Variants in CDC14A observed in about 807,000 individuals in gnomAD.
CDC14A encodes the protein cell division cycle 14A, also known as dual specificity protein phosphatase CDC14A.
A neutral mutation model predicts 74.4 loss-of-function variants in CDC14A; 53 were observed. That is an observed-to-expected ratio of 0.71 (90% CI 0.57 to 0.89). The LOEUF (loss-of-function observed/expected upper bound fraction) is 0.89, where lower values mean the gene tolerates loss of function less well. Ranked by LOEUF, CDC14A falls within the 40% of genes least tolerant of loss-of-function variation. CDC14A has a pLI of 0.00. For missense variants in CDC14A, 646 were observed against 713.7 expected, an observed-to-expected ratio of 0.91 and a Z score of 1.08; for synonymous variants, 247 against 258.4, an observed-to-expected ratio of 0.96 and a Z score of 0.43.
intron 5 of CDC14A, among the ~76,000 whole-genome samples, chr1:100,432,357 G>C (rs1398473897): frequency 6.6e-6 from 1 of 152,248 alleles, no homozygotes; most frequent in Non-Finnish European, 1.5e-5. Flanking sequence ...GCATTGTCTA[G>C]CTCTGAAGTA....
At chr1:100,457,821 T>TC (rs1197995365) in intron 8 of CDC14A, among the ~76,000 whole-genome samples, 2 of 152,078 alleles carry the variant, frequency 1.3e-5, no homozygotes, top group Non-Finnish European at 2.9e-5. Context: ...ACTCTTTTTT[T>TC]CCTTTTTAAA....
At chr1:100,350,145 G>T (rs2100861718), upstream of CDC14A, among the ~76,000 whole-genome samples, 1 of 152,146 alleles carries the variant, frequency 6.6e-6, no homozygotes, top group Non-Finnish European at 1.5e-5. Context: ...GTAGAGTTGG[G>T]GGTTTCACCA....
intron 11 of CDC14A, 176 bp downstream of exon 11, chr1:100,484,627 T>TA (rs373460421): frequency 0.066 from 55,542 of 843,110 alleles, 9 homozygotes; most frequent in Middle Eastern, 0.079. Context: ...CAATTGCCCT[T>TA]AAAAAAAAAA....
At chr1:100,353,921 A>G (rs1354006126) in intron 2 of CDC14A, 69 bp downstream of exon 2, 2 of 829,412 alleles carry the variant, frequency 2.4e-6, no homozygotes, top group Non-Finnish European at 4.0e-6. Flanking sequence ...AACACTATGC[A>G]CTTTTATGGC....
At chr1:100,422,672 T>C (rs1314758461) in intron 4 of CDC14A, among the ~76,000 whole-genome samples, 3 of 152,240 alleles carry the variant, frequency 2.0e-5, no homozygotes, top group African/African-American at 7.2e-5. Context: ...ATTTCCTTTC[T>C]ATTGCTTTTT....
At chr1:100,493,705 C>T (rs1041478324) in intron 11 of CDC14A, among the ~76,000 whole-genome samples, 2 of 152,286 alleles carry the variant, frequency 1.3e-5, no homozygotes, top group East Asian at 3.9e-4. Context: ...GGGATTGCCT[C>T]TAGGAAGCTT....
intron 10 of CDC14A, among the ~76,000 whole-genome samples, chr1:100,476,721 G>T (rs112705790): frequency 0.02 from 3,016 of 151,932 alleles, 105 homozygotes; most frequent in African/African-American, 0.065. Flanking sequence ...TATATTTTAA[G>T]GTAATTAGTC....
intron 2 of CDC14A, among the ~76,000 whole-genome samples, chr1:100,362,491 T>G (rs1441920431): frequency 1.3e-5 from 2 of 152,190 alleles, no homozygotes; most frequent in African/African-American, 4.8e-5. Flanking sequence ...TGTCTCTATA[T>G]TAATAATATT....
intron 10 of CDC14A, among the ~76,000 whole-genome samples, chr1:100,469,638 G>A (rs1254045900): frequency 6.6e-6 from 1 of 152,164 alleles, no homozygotes; most frequent in East Asian, 1.9e-4. Flanking sequence ...AGTTCTTTAA[G>A]CCATTTAATC....
intron 4 of CDC14A, among the ~76,000 whole-genome samples, chr1:100,410,612 C>T (rs190278286): frequency 2.6e-5 from 4 of 152,248 alleles, no homozygotes; most frequent in East Asian, 3.9e-4. Flanking sequence ...CCACTGTGCC[C>T]GGCCAGATAT....
chr1:100,351,400 T>G (rs997568403), upstream of CDC14A, among the ~76,000 whole-genome samples: 3 of 152,198 alleles, frequency 2.0e-5, no homozygotes, highest in Admixed American at 2.0e-4. Context: ...ATAGTCGGTC[T>G]GTAGCGCCAT....
At chr1:100,407,195 C>A (rs1300864924) in intron 4 of CDC14A, among the ~76,000 whole-genome samples, 1 of 151,546 alleles carries the variant, frequency 6.6e-6, no homozygotes. Flanking sequence ...TTTTTTGATT[C>A]CATATGAATT....
chr1:100,447,856 A>G (rs1482650677), intron 7 of CDC14A, among the ~76,000 whole-genome samples: 3 of 152,186 alleles, frequency 2.0e-5, no homozygotes, highest in Non-Finnish European at 4.4e-5. Context: ...CTTACCAAAC[A>G]AGATGTTGCC....
chr1:100,371,598 A>C (rs1411833954), intron 2 of CDC14A, among the ~76,000 whole-genome samples: 1 of 152,192 alleles, frequency 6.6e-6, no homozygotes, highest in Non-Finnish European at 1.5e-5. Flanking sequence ...GGTGTGTCAC[A>C]TTTATTGGTT....
intron 4 of CDC14A, among the ~76,000 whole-genome samples, chr1:100,406,940 A>G (rs1397887695): frequency 1.3e-5 from 2 of 151,822 alleles, no homozygotes; most frequent in Non-Finnish European, 2.9e-5. Flanking sequence ...TAAAAAAAAA[A>G]AAAAAAGAAA....
intron 15 of CDC14A, among the ~76,000 whole-genome samples, chr1:100,505,420 G>A (rs1649147847): frequency 6.6e-6 from 1 of 152,174 alleles, no homozygotes; most frequent in African/African-American, 2.4e-5. Context: ...GAATACGTAT[G>A]TGTTTTAAGG....
chr1:100,459,688 T>C (rs1207537981), intron 8 of CDC14A, among the ~76,000 whole-genome samples: 6 of 152,118 alleles, frequency 3.9e-5, no homozygotes, highest in African/African-American at 1.2e-4. Flanking sequence ...TTTGTTGTGG[T>C]TCAGTGATGC....
intron 11 of CDC14A, among the ~76,000 whole-genome samples, chr1:100,492,840 CTGTGTGTGTGTGTGTGTGTGTGTA>C (rs1183684298): frequency 4.0e-5 from 6 of 149,822 alleles, no homozygotes; most frequent in African/African-American, 1.5e-4. Flanking sequence ...CTTAGCCCTG[CTGTGTGTGTGTGTGTGTGTGTGTA>C]TGTGTGTGTG....
intron 13 of CDC14A, among the ~76,000 whole-genome samples, chr1:100,497,373 G>C (rs1333935687): frequency 6.6e-6 from 1 of 152,210 alleles, no homozygotes; most frequent in African/African-American, 2.4e-5. Context: ...CTGGAATAGA[G>C]ATGTCCAATG....
Sources: allele counts gnomAD v4.1 joint callset (sites outside exome capture counted in the v4.1 genomes callset), GRCh38; gene constraint gnomAD v4.1.1; transcripts MANE v1.5; gene names NCBI Gene and HGNC (gene_info 2026-07-23, HGNC 2026-07-21).